The following ZNF407 variants were observed in gnomAD, a reference collection of about 807,000 sequenced individuals.
ZNF407 encodes the protein zinc finger protein 407.
Under a neutral mutation model 131.2 loss-of-function variants are expected in ZNF407, and 17 were observed. That is an observed-to-expected ratio of 0.13 (90% CI 0.09 to 0.19). The LOEUF (loss-of-function observed/expected upper bound fraction) is 0.19. Ranked by LOEUF, ZNF407 falls within the 10% of genes least tolerant of loss-of-function variation. ZNF407 has a pLI of 1.00. For synonymous variants in ZNF407, 1,156 were observed against 1,062.0 expected, an observed-to-expected ratio of 1.09 and a Z score of -1.72; for missense variants, 2,681 against 2,830.6, an observed-to-expected ratio of 0.95 and a Z score of 1.20.
intron 3 of ZNF407, among the ~76,000 whole-genome samples, chr18:74,657,808 C>T (rs143732995): frequency 1.3e-5 from 2 of 152,232 alleles, no homozygotes; most frequent in East Asian, 1.9e-4. Context: ...TGCGTGACCA[C>T]GAGGGGGAGT....
chr18:74,747,476 TG>T (rs1968696117), intron 3 of ZNF407, among the ~76,000 whole-genome samples: 2 of 152,114 alleles, frequency 1.3e-5, no homozygotes, highest in African/African-American at 4.8e-5. Flanking sequence ...GAGGCTTTCC[TG>T]GATTTTTTTT....
chr18:75,016,709 G>A (rs1337524312), intron 8 of ZNF407, among the ~76,000 whole-genome samples: 2 of 152,014 alleles, frequency 1.3e-5, no homozygotes, highest in Non-Finnish European at 2.9e-5. Context: ...CTTTCTCTTG[G>A]TGTAGTTATA....
At chr18:74,621,389 C>A (rs1431593184) in intron 1 of ZNF407, among the ~76,000 whole-genome samples, 1 of 152,142 alleles carries the variant, frequency 6.6e-6, no homozygotes, top group Non-Finnish European at 1.5e-5. Context: ...GTGCTTCTGG[C>A]TCCGGGTCTG....
chr18:74,885,384 T>G (rs538550897), intron 6 of ZNF407, among the ~76,000 whole-genome samples: 3 of 152,198 alleles, frequency 2.0e-5, no homozygotes, highest in Non-Finnish European at 4.4e-5. Context: ...TGTACCATGT[T>G]TATAGATCAG....
At chr18:75,034,026 A>G (rs1973276132) in intron 8 of ZNF407, among the ~76,000 whole-genome samples, 1 of 152,202 alleles carries the variant, frequency 6.6e-6, no homozygotes, top group African/African-American at 2.4e-5. Context: ...ATTTTCCATA[A>G]TCCTGATAAT....
At chr18:74,724,171 A>C (rs542306870) in intron 3 of ZNF407, among the ~76,000 whole-genome samples, 4 of 152,326 alleles carry the variant, frequency 2.6e-5, no homozygotes, top group African/African-American at 9.6e-5. Flanking sequence ...TGTATTGTAC[A>C]TAAAATTTTA....
At chr18:74,840,059 TCTTA>T (rs1229332988) in intron 4 of ZNF407, among the ~76,000 whole-genome samples, 1 of 152,124 alleles carries the variant, frequency 6.6e-6, no homozygotes, top group Non-Finnish European at 1.5e-5. Flanking sequence ...AGACCAATAC[TCTTA>T]CTTTAGAACT....
rs140803840 is a variant in ZNF407, at chr18:74,796,367, G to A, written c.4877+14865G>A. Among the ~76,000 whole-genome samples, 636 of 152,254 alleles carry A rather than the reference G, an allele frequency of 4.2e-3. 3 individuals carry two copies. The highest frequency in any genetic ancestry group is 0.013 in the African/African-American group (531 of 41,538). ...TTAGGTTTTGTTACTCAATGAAATA[G>A]GCTTGTGGATTAGCCCCAGGTCATG... On this transcript the variant is annotated intron_variant, in intron 4 of 8. Transcript: ENST00000299687.
At chr18:75,024,036 C>T (rs1052692440) in intron 8 of ZNF407, among the ~76,000 whole-genome samples, 6 of 152,108 alleles carry the variant, frequency 3.9e-5, no homozygotes, top group African/African-American at 1.4e-4. Flanking sequence ...AAAAGGAGAG[C>T]ATGTGGGAGT....
At chr18:74,679,594 A>G (rs1966933679) in intron 3 of ZNF407, among the ~76,000 whole-genome samples, 1 of 152,346 alleles carries the variant, frequency 6.6e-6, no homozygotes, top group Admixed American at 6.5e-5. Context: ...ATCCTCAAGT[A>G]TCTGCTTAGT....
chr18:74,644,133 T>G (rs1984854729), intron 3 of ZNF407, among the ~76,000 whole-genome samples: 1 of 151,984 alleles, frequency 6.6e-6, no homozygotes, highest in East Asian at 1.9e-4. Context: ...TATGGATAAC[T>G]TCAGGTTAAG....
intron 4 of ZNF407, among the ~76,000 whole-genome samples, chr18:74,862,760 T>C (rs1970954543): frequency 2.0e-5 from 3 of 152,166 alleles, no homozygotes; most frequent in Admixed American, 2.0e-4. Flanking sequence ...TTGCTTCCCT[T>C]TTTGCCAACT....
chr18:75,034,908 CT>C (rs1251953799), intron 8 of ZNF407, among the ~76,000 whole-genome samples: 2 of 152,122 alleles, frequency 1.3e-5, no homozygotes, highest in Non-Finnish European at 2.9e-5. Context: ...CTGTTTTCTT[CT>C]TCATAACTCT....
chr18:74,883,160 A>G (rs1417289844), intron 6 of ZNF407, among the ~76,000 whole-genome samples: 1 of 152,224 alleles, frequency 6.6e-6, no homozygotes, highest in Non-Finnish European at 1.5e-5. Flanking sequence ...ACAGTGTCTC[A>G]TAGACAGAGG....
At chr18:75,047,344 A>ACG (rs1349602270) in intron 8 of ZNF407, among the ~76,000 whole-genome samples, 1 of 152,184 alleles carries the variant, frequency 6.6e-6, no homozygotes, top group African/African-American at 2.4e-5. Flanking sequence ...AAAAGCAGGG[A>ACG]CGGCCCTTCC....
intron 8 of ZNF407, among the ~76,000 whole-genome samples, chr18:75,001,987 A>G (rs1319789236): frequency 6.6e-6 from 1 of 152,136 alleles, no homozygotes; most frequent in Non-Finnish European, 1.5e-5. Flanking sequence ...CAGCCCCCAT[A>G]CCAGAGTCAC....
At chr18:75,027,285 G>A (rs1485742574) in intron 8 of ZNF407, among the ~76,000 whole-genome samples, 1 of 152,320 alleles carries the variant, frequency 6.6e-6, no homozygotes, top group East Asian at 1.9e-4. Context: ...TGGTGCATAG[G>A]CAATGGGAAG....
At chr18:74,886,626 G>A (rs1169611104) in intron 6 of ZNF407, among the ~76,000 whole-genome samples, 2 of 152,202 alleles carry the variant, frequency 1.3e-5, no homozygotes, top group East Asian at 3.8e-4. Flanking sequence ...TAATTATGCT[G>A]AGAGAAAGAG....
chr18:74,990,038 A>T (rs1972700354), intron 8 of ZNF407, among the ~76,000 whole-genome samples: 1 of 152,184 alleles, frequency 6.6e-6, no homozygotes, highest in African/African-American at 2.4e-5. Context: ...AAATTTTTAA[A>T]CATCATTCTT....
Sources: allele counts gnomAD v4.1 joint callset (sites outside exome capture counted in the v4.1 genomes callset), GRCh38; gene constraint gnomAD v4.1.1; transcripts MANE v1.5; gene names NCBI Gene and HGNC (gene_info 2026-07-23, HGNC 2026-07-21).